RALA: variants seen among roughly 807,000 people sequenced by gnomAD.
The protein encoded by RALA is RAS like proto-oncogene A.
RALA carries 5 observed loss-of-function variants against 24.0 expected under a neutral mutation model. The ratio of observed to expected loss-of-function variants is 0.21; its 90% CI spans 0.11 to 0.44. RALA has a LOEUF of 0.44. RALA is among the 20% of genes least tolerant of loss of function. The pLI, the probability that RALA is intolerant of heterozygous loss-of-function variation, is 0.99. For synonymous variants in RALA, 77 were observed against 83.8 expected (o/e 0.92, Z 0.44); for missense variants, 95 against 241.2 (o/e 0.39, Z 4.01).
Position 39,703,280 on chromosome 7 carries a change from T to TGAAACAGAGGTCTTCTGAAATTCCTA in RALA, c.499-2841_499-2816dup, listed in dbSNP as rs1793060265. 8 of 152,334 alleles carry TGAAACAGAGGTCTTCTGAAATTCCTA rather than the reference T, an allele frequency of 5.3e-5. No homozygotes were observed. In the South Asian group the frequency reaches 1.2e-3, roughly 24 times the overall value. The allele number at this position is 152,334 out of a possible 1,614,324, so 9.4% of individuals were successfully genotyped here. A position where few individuals can be genotyped will look rare whatever the true frequency, so the allele number is the denominator to read the frequency against. ...TGTCCTAGCTAGTTAGCCAGAGACT[T>TGAAACAGAGGTCTTCTGAAATTCCTA]GAAACAGAGGTCTTCTGAAATTCCT... On this transcript the variant is annotated intron_variant, in intron 4 of 4. Coordinates refer to ENST00000005257, the MANE Select transcript of RALA (RefSeq NM_005402.4).
chr7:39,646,200 G>A (rs1226716091), intron 1 of RALA, among the ~76,000 whole-genome samples: 1 of 152,222 alleles, frequency 6.6e-6, no homozygotes, highest in African/African-American at 2.4e-5. Flanking sequence ...GGCTGAGGTG[G>A]GAGGATCACT....
chr7:39,623,996 C>T lies in RALA; in HGVS notation c.-38+171C>T, dbSNP rs756663482. On this transcript the variant is annotated intron_variant, in intron 1 of 4. Coordinates refer to ENST00000005257, the MANE Select transcript of RALA (RefSeq NM_005402.4). The surrounding 1 kb of genome is among the most constrained non-coding windows in gnomAD (Gnocchi z 4.9). ...GCTGCGAGATGAGCCCGGCTGGAATCCGGGGCACCGCGTTCGCCGCTGTGG... is the reference window on the plus strand; with the variant it reads ...GCTGCGAGATGAGCCCGGCTGGAATTCGGGGCACCGCGTTCGCCGCTGTGG... 6.6e-6 allele frequency: 1 copy of T among 152,238 alleles called. No individual in the cohort carries two copies. The highest frequency in any genetic ancestry group is 1.5e-5 in the Non-Finnish European group (1 of 68,076). The allele number at this position is 152,238 out of a possible 1,614,324, so 9.4% of individuals were successfully genotyped here.
chr7:39,704,215 AT>A (rs2115561140), intron 4 of RALA, among the ~76,000 whole-genome samples: 1 of 151,126 alleles, frequency 6.6e-6, no homozygotes, highest in Non-Finnish European at 1.5e-5. Context: ...TTTTGTTGGA[AT>A]TTTGTTTCTA....
At chr7:39,648,509 C>G (rs1031669626) in intron 1 of RALA, among the ~76,000 whole-genome samples, 2 of 151,724 alleles carry the variant, frequency 1.3e-5, no homozygotes, top group Non-Finnish European at 2.9e-5. Context: ...AGTGGAGATA[C>G]AACAGTAAAT....
intron 2 of RALA, among the ~76,000 whole-genome samples, chr7:39,687,355 A>G (rs1005091786): frequency 3.6e-4 from 55 of 151,848 alleles, no homozygotes; most frequent in African/African-American, 1.3e-3. Context: ...TGAACCTGGG[A>G]GGCGGAGCTT....
intron 4 of RALA, among the ~76,000 whole-genome samples, chr7:39,699,383 A>G (rs950985755): frequency 6.7e-6 from 1 of 150,284 alleles, no homozygotes; most frequent in African/African-American, 2.4e-5. Flanking sequence ...CTCATGATCC[A>G]CCCGCCTCGG....
At chr7:39,698,196 C>G (rs1437601648) in intron 4 of RALA, among the ~76,000 whole-genome samples, 1 of 152,130 alleles carries the variant, frequency 6.6e-6, no homozygotes, top group Non-Finnish European at 1.5e-5. Context: ...TATGACAACC[C>G]TACCCTAGTG....
At chr7:39,680,179 G>A (rs1370648863) in intron 1 of RALA, among the ~76,000 whole-genome samples, 1 of 151,930 alleles carries the variant, frequency 6.6e-6, no homozygotes, top group African/African-American at 2.4e-5. Flanking sequence ...AGACCAGCCT[G>A]ACCAACATGG....
intron 4 of RALA, among the ~76,000 whole-genome samples, chr7:39,698,235 C>T (rs1280679111): frequency 1.3e-5 from 2 of 152,100 alleles, no homozygotes; most frequent in African/African-American, 4.8e-5. Flanking sequence ...GGCCCCATCT[C>T]TTATTGCCAT....
chr7:39,654,715 T>C (rs993876693), intron 1 of RALA, among the ~76,000 whole-genome samples: 1 of 152,190 alleles, frequency 6.6e-6, no homozygotes, highest in African/African-American at 2.4e-5. Context: ...AATTTTTTTG[T>C]ATATGGTGTA....
chr7:39,699,181 C>T (rs1196464186), intron 4 of RALA, among the ~76,000 whole-genome samples: 1 of 133,484 alleles, frequency 7.5e-6, no homozygotes, highest in Non-Finnish European at 1.5e-5. Context: ...TCGCCCAGGC[C>T]GGACTGCGGA....
chr7:39,677,057 T>C (rs1792499480), intron 1 of RALA, among the ~76,000 whole-genome samples: 1 of 152,120 alleles, frequency 6.6e-6, no homozygotes, highest in South Asian at 2.1e-4. Context: ...AAAAGGGAAG[T>C]AGAGGGAGGT....
intron 1 of RALA, among the ~76,000 whole-genome samples, chr7:39,666,471 G>A (rs1792288787): frequency 1.3e-5 from 2 of 152,108 alleles, no homozygotes; most frequent in South Asian, 4.1e-4. Flanking sequence ...GAATGTAACT[G>A]ATAATAGTTG....
chr7:39,685,182 A>C (rs1376661863), intron 1 of RALA, among the ~76,000 whole-genome samples: 2 of 152,224 alleles, frequency 1.3e-5, no homozygotes, highest in African/African-American at 4.8e-5. Flanking sequence ...AGGAGAACCT[A>C]ATTTAGGTTG....
chr7:39,636,355 A>T (rs567324283), intron 1 of RALA, among the ~76,000 whole-genome samples: 1 of 152,330 alleles, frequency 6.6e-6, no homozygotes, highest in African/African-American at 2.4e-5. Flanking sequence ...TTTTTCCGCA[A>T]CTTCACTAAC....
chr7:39,630,894 A>G (rs1056497207), intron 1 of RALA, among the ~76,000 whole-genome samples: 9 of 152,218 alleles, frequency 5.9e-5, no homozygotes, highest in African/African-American at 1.9e-4. Flanking sequence ...AATGTTTGGT[A>G]GGGCTAGTCA....
At chr7:39,686,560 A>G in intron 1 of RALA, 71 bp from the exon 2 acceptor site, 1 of 867,146 alleles carries the variant, frequency 1.2e-6, no homozygotes, top group Non-Finnish European at 1.9e-6. Context: ...CTCTAAGGAC[A>G]TATCTCTTTC....
At chr7:39,667,963 T>TA (rs1177654581) in intron 1 of RALA, among the ~76,000 whole-genome samples, 2 of 152,226 alleles carry the variant, frequency 1.3e-5, no homozygotes, top group Non-Finnish European at 2.9e-5. Flanking sequence ...GGAGGAAACT[T>TA]ACTATAGTGG....
In RALA at chr7:39,707,363, A is replaced by G. The variant is rs1793136259; in HGVS notation, c.*1118A>G. ...TTTCTAAATTTATATTCATAAAGTTACAGTTTGATACAGGAATTATTAGGA... is the reference window on the plus strand; with the variant it reads ...TTTCTAAATTTATATTCATAAAGTTGCAGTTTGATACAGGAATTATTAGGA... On this transcript the variant is annotated 3_prime_UTR_variant, in exon 5 of 5. Transcript: ENST00000005257. 6.6e-6 allele frequency: 1 copy of G among 152,244 alleles called. No individual in the cohort carries two copies. Among genetic ancestry groups the G allele is most frequent in the South Asian group, 2.1e-4 (1 of 4,834 alleles). The allele number at this position is 152,244 out of a possible 1,614,324, so 9.4% of individuals were successfully genotyped here. A position where few individuals can be genotyped will look rare whatever the true frequency, so the allele number is the denominator to read the frequency against.
Sources: gnomAD v4.1 joint callset for allele counts (sites outside exome capture counted in the v4.1 genomes callset) on GRCh38, gnomAD v4.1.1 for gene constraint, Gnocchi (gnomAD v3.1) non-coding constraint, MANE v1.5 for transcripts, NCBI Gene and HGNC (gene_info 2026-07-23, HGNC 2026-07-21) for gene names.